Variants in PKIB observed in about 807,000 individuals in gnomAD.
The protein encoded by PKIB is PKI-beta.
In PKIB, 2 loss-of-function variants were observed where a neutral mutation model predicts 4.5. That is an observed-to-expected ratio of 0.44 (90% CI 0.18 to 1.39). PKIB has a LOEUF of 1.39. Among genes scored for constraint, PKIB ranks in the 40% most tolerant of loss-of-function variants. The probability of loss-of-function intolerance (pLI) is 0.27; values close to 1 mark genes in which losing one functional copy is unlikely to be tolerated. For synonymous variants in PKIB, 38 were observed against 36.0 expected (o/e 1.06, Z -0.20); for missense variants, 94 against 92.6 (o/e 1.02, Z -0.06).
intron 1 of PKIB, among the ~76,000 whole-genome samples, chr6:122,613,851 T>C (rs958825000): frequency 2.0e-5 from 3 of 150,708 alleles, no homozygotes; most frequent in Non-Finnish European, 4.4e-5. Context: ...TAGTCCCAGC[T>C]ATTTGGGAGG....
intron 1 of PKIB, among the ~76,000 whole-genome samples, chr6:122,474,334 A>G (rs1172264914): frequency 6.6e-6 from 1 of 152,224 alleles, no homozygotes; most frequent in Non-Finnish European, 1.5e-5. Flanking sequence ...CTGATGTTGC[A>G]TATTAGCATG....
chr6:122,574,289 C>T (rs968986157), intron 2 of PKIB, among the ~76,000 whole-genome samples: 2 of 152,194 alleles, frequency 1.3e-5, no homozygotes, highest in Admixed American at 6.5e-5. Context: ...AAACACATCT[C>T]CTGCTCATGG....
chr6:122,694,689 G>A (rs1257250925), intron 3 of PKIB, among the ~76,000 whole-genome samples: 2 of 152,138 alleles, frequency 1.3e-5, no homozygotes, highest in Non-Finnish European at 2.9e-5. Flanking sequence ...TGATGGCAAA[G>A]CTATAAAAAG....
Position 122,725,629 on chromosome 6 carries a change from A to C in PKIB, c.*434A>C, listed in dbSNP as rs1356133609. Reference sequence around the variant, plus strand: ...TAGAAAATTATGGACATTTTTGGTGAGAAAGAACAATAGTCAAAACTCACA... The same window carrying C: ...TAGAAAATTATGGACATTTTTGGTGCGAAAGAACAATAGTCAAAACTCACA... On this transcript the variant is annotated 3_prime_UTR_variant, in exon 5 of 5. Coordinates refer to ENST00000368452, the MANE Select transcript of PKIB (RefSeq NM_181795.3). 1 of 153,834 alleles carries C rather than the reference A, an allele frequency of 6.5e-6. No homozygotes were observed. Among genetic ancestry groups the C allele is most frequent in the Non-Finnish European group, 1.4e-5 (1 of 69,166 alleles). The allele number at this position is 153,834 out of a possible 1,614,324, so 9.5% of individuals were successfully genotyped here. A position where few individuals can be genotyped will look rare whatever the true frequency, so the allele number is the denominator to read the frequency against.
At chr6:122,609,655 T>G (rs1267116756), upstream of PKIB, among the ~76,000 whole-genome samples, 1 of 152,178 alleles carries the variant, frequency 6.6e-6, no homozygotes, top group Non-Finnish European at 1.5e-5. Context: ...ATTTTAAGAC[T>G]TCAGTGAGAA....
intron 2 of PKIB, among the ~76,000 whole-genome samples, chr6:122,563,698 T>C (rs1487672205): frequency 6.6e-6 from 1 of 152,044 alleles, no homozygotes; most frequent in Non-Finnish European, 1.5e-5. Context: ...CCTAGGAAGA[T>C]TATGCCTGCC....
chr6:122,594,018 A>C (rs931649345), intron 3 of PKIB, among the ~76,000 whole-genome samples: 4 of 152,178 alleles, frequency 2.6e-5, no homozygotes, highest in African/African-American at 7.2e-5. Flanking sequence ...CTGAGATCAT[A>C]CATAATCTTC....
chr6:122,661,866 C>T (rs1235462438), intron 2 of PKIB, among the ~76,000 whole-genome samples: 1 of 151,996 alleles, frequency 6.6e-6, no homozygotes, highest in African/African-American at 2.4e-5. Flanking sequence ...TTGTCATTGT[C>T]TTTTTTTATT....
At chr6:122,614,101 T>C (rs1326223307) in intron 1 of PKIB, among the ~76,000 whole-genome samples, 1 of 152,174 alleles carries the variant, frequency 6.6e-6, no homozygotes, top group Non-Finnish European at 1.5e-5. Context: ...AGTGGATTTG[T>C]GTTCTTCAGT....
intron 3 of PKIB, among the ~76,000 whole-genome samples, chr6:122,591,331 A>C (rs985679985): frequency 2.0e-5 from 3 of 152,012 alleles, no homozygotes; most frequent in Non-Finnish European, 4.4e-5. Context: ...GTTTTTTTGC[A>C]TTGACATACT....
chr6:122,626,810 AAC>A lies in PKIB; in HGVS notation c.-160-6467_-160-6466del, dbSNP rs201696217. ...TAATATATGAATGAATGAACGAATG[AAC>A]ACACAGATCCTTCTTAATATGAGAT... On this transcript the variant is annotated intron_variant, in intron 1 of 4. Coordinates refer to ENST00000368452, the MANE Select transcript of PKIB (RefSeq NM_181795.3). 1.1e-4 allele frequency among the ~76,000 whole-genome samples: 16 copies of A among 152,334 alleles called. No homozygotes were observed. The East Asian group carries it at 3.1e-3, about 29-fold the overall frequency.
At position 122,600,367 on chromosome 6, in the gene PKIB, A is replaced by G. The variant is rs534650957; in HGVS notation, c.-161+14360A>G. On this transcript the variant is annotated intron_variant, in intron 3 of 6. Transcript: ENST00000392491. Reference sequence around the variant, plus strand: ...CTCTTTTGGCAACACCCTCACAGACACACCCAGGATCAATAGTTTGTATCC... The same window carrying G: ...CTCTTTTGGCAACACCCTCACAGACGCACCCAGGATCAATAGTTTGTATCC... Among the ~76,000 whole-genome samples the G allele has an allele frequency of 2.6e-5, 4 of 152,282 alleles. No individual in the cohort carries two copies. The East Asian group carries it at 7.7e-4, about 29-fold the overall frequency.
chr6:122,573,348 C>T (rs561839875), intron 2 of PKIB, among the ~76,000 whole-genome samples: 9 of 151,740 alleles, frequency 5.9e-5, no homozygotes, highest in African/African-American at 1.9e-4. Context: ...GACAACATGG[C>T]AAGACCCCAT....
At chr6:122,724,231 G>C (rs964059016) in intron 4 of PKIB, among the ~76,000 whole-genome samples, 1 of 152,186 alleles carries the variant, frequency 6.6e-6, no homozygotes, top group Non-Finnish European at 1.5e-5. Flanking sequence ...GAACGAAGGA[G>C]CCAGGAGAAA....
chr6:122,679,633 A>T (rs943899358), intron 3 of PKIB, among the ~76,000 whole-genome samples: 1 of 152,156 alleles, frequency 6.6e-6, no homozygotes, highest in African/African-American at 2.4e-5. Context: ...AGGGAAAAGG[A>T]TGCCTCCTGG....
intron 3 of PKIB, among the ~76,000 whole-genome samples, chr6:122,594,924 C>T (rs967776913): frequency 6.6e-6 from 1 of 152,200 alleles, no homozygotes; most frequent in Non-Finnish European, 1.5e-5. Flanking sequence ...GCAGCCAACA[C>T]TGTAGCTCCC....
rs374027018 is a variant in PKIB, at chr6:122,565,749, T to C, written c.-247-20172T>C. 3.2e-4 allele frequency among the ~76,000 whole-genome samples: 49 copies of C among 152,304 alleles called. 1 individual carries two copies. Among genetic ancestry groups the C allele is most frequent in the African/African-American group, 1.2e-3 (49 of 41,570 alleles). The stretch of plus-strand genomic sequence containing the variant: ...GATTTTCCAGTAACAACAACTGTCT[T>C]CCATATTAGCCAAGATATTTTTAGG... On this transcript the variant is annotated intron_variant, in intron 2 of 6. Coordinates refer to the PKIB transcript ENST00000392491.
intron 3 of PKIB, among the ~76,000 whole-genome samples, chr6:122,677,688 A>T (rs1777730743): frequency 6.6e-6 from 1 of 152,102 alleles, no homozygotes; most frequent in African/African-American, 2.4e-5. Flanking sequence ...CAGAGGAGGG[A>T]ATTAAACTCA....
intron 2 of PKIB, among the ~76,000 whole-genome samples, chr6:122,487,992 T>C (rs1349123694): frequency 6.6e-6 from 1 of 152,232 alleles, no homozygotes; most frequent in Non-Finnish European, 1.5e-5. Flanking sequence ...GTAAAGTTTC[T>C]GTTTCTCTCT....
Sources: allele counts gnomAD v4.1 joint callset (sites outside exome capture counted in the v4.1 genomes callset), GRCh38; gene constraint gnomAD v4.1.1; transcripts MANE v1.5; gene names NCBI Gene and HGNC (gene_info 2026-07-23, HGNC 2026-07-21).